The following ORC5 variants were observed in gnomAD, a reference collection of about 807,000 sequenced individuals.
ORC5 encodes the protein protein phosphatase 1, regulatory subunit 117.
In ORC5, 39 loss-of-function variants were observed where a neutral mutation model predicts 58.8. That is an observed-to-expected ratio of 0.66 (90% confidence interval 0.51 to 0.87). The LOEUF (loss-of-function observed/expected upper bound fraction) is 0.87, where lower values mean the gene tolerates loss of function less well. ORC5 is among the 40% of genes least tolerant of loss of function. The pLI, the probability that ORC5 is intolerant of heterozygous loss-of-function variation, is 0.00. For missense variants in ORC5, 493 were observed against 506.3 expected (o/e 0.97, Z 0.25); for synonymous variants, 218 against 177.6 (o/e 1.23, Z -1.81).
At chr7:104,166,711 A>G (rs1799112768) in intron 10 of ORC5, 61 bp downstream of exon 10, 1 of 943,358 alleles carries the variant, frequency 1.1e-6, no homozygotes, top group African/African-American at 1.6e-5. Context: ...AAGTGTTAAG[A>G]AATTTCAAAA....
In ORC5 at chr7:104,195,045, AACAAAGT is replaced by A. The variant is rs1243765493; in HGVS notation, c.553+91_553+97del. ...TCCCATTTGAATATCAAATGGGAAT[AACAAAGT>A]ATTCCCATTTGAATATGCTAGTTTA... On this transcript the variant is annotated intron_variant, in intron 5 of 13. Transcript: ENST00000297431. 7 of 614,004 alleles carry A rather than the reference AACAAAGT, an allele frequency of 1.1e-5. No individual in the cohort carries two copies. The African/African-American group carries it at 1.5e-4, about 13-fold the overall frequency. The allele number at this position is 614,004 out of a possible 1,614,324, so 38.0% of individuals were successfully genotyped here.
intron 12 of ORC5, among the ~76,000 whole-genome samples, chr7:104,160,858 CCA>C (rs1799010142): frequency 6.6e-6 from 1 of 151,966 alleles, no homozygotes; most frequent in Non-Finnish European, 1.5e-5. Flanking sequence ...AAATTATTTG[CCA>C]TGAGGTTATA....
intron 2 of ORC5, among the ~76,000 whole-genome samples, chr7:104,201,729 C>T (rs967759703): frequency 2.9e-5 from 4 of 137,946 alleles, no homozygotes; most frequent in Admixed American, 1.5e-4. Flanking sequence ...CTTGAATAAA[C>T]GTTTACTAAG....
intron 8 of ORC5, among the ~76,000 whole-genome samples, chr7:104,169,060 C>T (rs1027385045): frequency 6.6e-6 from 1 of 152,074 alleles, no homozygotes; most frequent in Non-Finnish European, 1.5e-5. Context: ...CCAGCCTGGG[C>T]GAGAGTGAGC....
At chr7:104,203,779 G>A (rs1000380235) in intron 2 of ORC5, among the ~76,000 whole-genome samples, 18 of 152,110 alleles carry the variant, frequency 1.2e-4, no homozygotes, top group Non-Finnish European at 2.2e-4. Context: ...CTAGCTGCTG[G>A]GTGAAGATTG....
intron 12 of ORC5, among the ~76,000 whole-genome samples, chr7:104,137,594 C>G (rs1025232389): frequency 4.6e-5 from 7 of 152,088 alleles, no homozygotes; most frequent in African/African-American, 1.4e-4. Context: ...GGTAGAGATA[C>G]AAGTGGCTGG....
intron 8 of ORC5, among the ~76,000 whole-genome samples, chr7:104,174,925 A>G (rs1461908675): frequency 6.6e-6 from 1 of 152,228 alleles, no homozygotes; most frequent in Non-Finnish European, 1.5e-5. Flanking sequence ...GCCAACCACA[A>G]GGGAAGAATC....
At chr7:104,135,672 C>T (rs1361345993) in intron 13 of ORC5, among the ~76,000 whole-genome samples, 1 of 152,096 alleles carries the variant, frequency 6.6e-6, no homozygotes, top group Non-Finnish European at 1.5e-5. Flanking sequence ...AGCTGCCAAC[C>T]TATGGACTTC....
chr7:104,188,719 T>C (rs1799604884), intron 5 of ORC5, among the ~76,000 whole-genome samples: 3 of 152,232 alleles, frequency 2.0e-5, no homozygotes, highest in South Asian at 4.1e-4. Flanking sequence ...ATGGGTGATA[T>C]GGTTTGGCTC....
chr7:104,144,440 G>A (rs1255562270), intron 12 of ORC5, among the ~76,000 whole-genome samples: 1 of 152,034 alleles, frequency 6.6e-6, no homozygotes, highest in African/African-American at 2.4e-5. Flanking sequence ...AAACTCTTGA[G>A]GACTTACTCT....
At chr7:104,198,924 G>T (rs1250816032) in intron 3 of ORC5, among the ~76,000 whole-genome samples, 1 of 152,258 alleles carries the variant, frequency 6.6e-6, no homozygotes, top group Non-Finnish European at 1.5e-5. Flanking sequence ...ATGGCTAAAA[G>T]GGGCCAGCGT....
intron 8 of ORC5, among the ~76,000 whole-genome samples, chr7:104,171,099 A>G (rs981817151): frequency 6.6e-6 from 1 of 152,084 alleles, no homozygotes; most frequent in Non-Finnish European, 1.5e-5. Flanking sequence ...TTCTTTGTCC[A>G]TTTATTCTAA....
At position 104,128,675 on chromosome 7, in the gene ORC5, TC is replaced by T. The variant is rs546845907; in HGVS notation, c.1263-1783del. On this transcript the variant is annotated intron_variant, in intron 13 of 13. Coordinates refer to ENST00000297431, the MANE Select transcript of ORC5 (RefSeq NM_002553.4). ...ATCTCCTAATGCTATCCCTCCCCCC[TC>T]CCCCCCACCCCACAACAGTCCCCAG... Among the ~76,000 whole-genome samples, 27 of 24,996 alleles carry T rather than the reference TC, an allele frequency of 1.1e-3. No individual in the cohort carries two copies. The South Asian group carries it at 0.043, about 40-fold the overall frequency. The allele number at this position is 24,996 out of a possible 152,430, so 16.4% of individuals were successfully genotyped here. A position where few individuals can be genotyped will look rare whatever the true frequency, so the allele number is the denominator to read the frequency against.
chr7:104,148,695 T>C (rs1213835458), intron 12 of ORC5, among the ~76,000 whole-genome samples: 1 of 152,224 alleles, frequency 6.6e-6, no homozygotes, highest in African/African-American at 2.4e-5. Context: ...AGTCAGATTA[T>C]ATATTACATT....
At chr7:104,194,826 A>C (rs1416081236) in intron 5 of ORC5, among the ~76,000 whole-genome samples, 1 of 151,922 alleles carries the variant, frequency 6.6e-6, no homozygotes, top group Non-Finnish European at 1.5e-5. Flanking sequence ...CATCCAAAAA[A>C]ATGTAGTAAT....
chr7:104,156,298 T>C (rs1798924155), intron 12 of ORC5, among the ~76,000 whole-genome samples: 1 of 151,794 alleles, frequency 6.6e-6, no homozygotes, highest in African/African-American at 2.4e-5. Flanking sequence ...AATCTGAACA[T>C]TAACATAAAA....
At chr7:104,189,409 A>T (rs1244232623) in intron 5 of ORC5, among the ~76,000 whole-genome samples, 1 of 152,062 alleles carries the variant, frequency 6.6e-6, no homozygotes, top group Non-Finnish European at 1.5e-5. Flanking sequence ...CCATGATTCA[A>T]TTACCTTCCA....
Position 104,138,570 on chromosome 7 carries a change from C to A in ORC5, c.1150-1677G>T, listed in dbSNP as rs990129434. ...CATTATCCATGCTGGATTGCAGTGG[C>A]GCAATCATGGCTCACTGCAGCCTCA... On this transcript the variant is annotated intron_variant, in intron 12 of 13. Transcript: ENST00000297431. The surrounding 1 kb of genome is among the most constrained non-coding windows in gnomAD (Gnocchi z 4.7). 6.6e-6 allele frequency among the ~76,000 whole-genome samples: 1 copy of A among 151,600 alleles called. No individual in the cohort carries two copies. Among genetic ancestry groups the A allele is most frequent in the Non-Finnish European group, 1.5e-5 (1 of 67,934 alleles).
chr7:104,140,316 T>C (rs1471541239), intron 12 of ORC5, among the ~76,000 whole-genome samples: 1 of 152,164 alleles, frequency 6.6e-6, no homozygotes, highest in African/African-American at 2.4e-5. Flanking sequence ...TATATTGACC[T>C]ATTTGTCCCT....
Sources: allele counts gnomAD v4.1 joint callset (sites outside exome capture counted in the v4.1 genomes callset), GRCh38; gene constraint gnomAD v4.1.1; non-coding constraint Gnocchi (gnomAD v3.1); transcripts MANE v1.5; gene names NCBI Gene and HGNC (gene_info 2026-07-23, HGNC 2026-07-21).